The following RMC1 variants were observed in gnomAD, a reference collection of about 807,000 sequenced individuals.
RMC1 encodes regulator of MON1-CCZ1 complex.
Under a neutral mutation model 95.5 loss-of-function variants are expected in RMC1, and 44 were observed. The observed-to-expected ratio is 0.46, with a 90% CI of 0.36 to 0.59. The LOEUF (loss-of-function observed/expected upper bound fraction) is 0.59, where lower values mean the gene tolerates loss of function less well. RMC1 is among the 20% of genes least tolerant of loss of function. The pLI, the probability that RMC1 is intolerant of heterozygous loss-of-function variation, is 0.00. For synonymous variants in RMC1, 320 were observed against 303.6 expected (o/e 1.05, Z -0.56); for missense variants, 705 against 819.6 (o/e 0.86, Z 1.71).
chr18:23,508,188 G>T, intron 4 of RMC1, 147 bp downstream of exon 4: 1 of 660,646 alleles, frequency 1.5e-6, no homozygotes, highest in African/African-American at 1.9e-5. Context: ...AGTCAGGCGG[G>T]GTGTTTGCTT....
intron 7 of RMC1, among the ~76,000 whole-genome samples, chr18:23,518,255 C>T (rs2058059817): frequency 1.3e-5 from 2 of 152,290 alleles, no homozygotes; most frequent in South Asian, 4.1e-4. Context: ...CTGGGGAGGC[C>T]AAGGCAGGGG....
chr18:23,525,662 A>G (rs951344486), intron 12 of RMC1, among the ~76,000 whole-genome samples: 1 of 152,074 alleles, frequency 6.6e-6, no homozygotes, highest in African/African-American at 2.4e-5. Context: ...TGACCTCGTG[A>G]TCTGCCCACC....
chr18:23,526,659 G>T lies in RMC1; in HGVS notation c.1083G>T (p.Val361=), dbSNP rs1244025783. 1 of 1,614,090 alleles carries T rather than the reference G, an allele frequency of 6.2e-7. No individual in the cohort carries two copies. The highest frequency in any genetic ancestry group is 1.7e-5 in the Admixed American group (1 of 59,998). The change falls in exon 13 of 20, where the codon GTG becomes GTT. Residue 361 remains valine, a synonymous_variant. Transcript: ENST00000269221. ...CAGGTTACCTCTGGAACCTCCAAGT[G>T]AAACTTGAGCCCATAGTAAATCTCT... ...ASQGYLWNLQ[V]KLEPIVNLLP... is the part of the protein sequence containing the mutation.
intron 10 of RMC1, 51 bp downstream of exon 10, chr18:23,520,364 G>A (rs767753613): frequency 1.4e-6 from 2 of 1,412,132 alleles, no homozygotes; most frequent in South Asian, 2.4e-5. Context: ...CCATGTGGCT[G>A]TGTTCTCACC....
intron 15 of RMC1, 25 bp from the exon 16 acceptor site, chr18:23,529,610 T>G: frequency 7.5e-6 from 12 of 1,601,716 alleles, no homozygotes; most frequent in Non-Finnish European, 1.0e-5. Context: ...TTGGTATTTG[T>G]AAGACCACAT....
At chr18:23,511,097 T>C (rs887284425) in intron 5 of RMC1, among the ~76,000 whole-genome samples, 1 of 152,164 alleles carries the variant, frequency 6.6e-6, no homozygotes, top group Admixed American at 6.5e-5. Context: ...CAGTGACAGA[T>C]TGGATAAAGA....
At chr18:23,524,075 G>T in intron 10 of RMC1, 55 bp from the exon 11 acceptor site, 1 of 1,563,484 alleles carries the variant, frequency 6.4e-7, no homozygotes. Context: ...ATAAGTACCA[G>T]CATTTGCAGC....
At chr18:23,519,792 G>C (rs1387835565) in intron 9 of RMC1, among the ~76,000 whole-genome samples, 3 of 152,162 alleles carry the variant, frequency 2.0e-5, no homozygotes, top group Non-Finnish European at 4.4e-5. Context: ...GGGGGATAAT[G>C]GTTTTGAGGC....
rs1356024967 is a variant in RMC1, at chr18:23,503,669, C to G, written c.51C>G (p.Phe17Leu). The change falls in exon 1 of 20, where the codon TTC (phenylalanine) becomes TTG (leucine). Residue 17 changes from phenylalanine to leucine, a missense_variant. By Grantham distance (22) the Phe-to-Leu change is conservative. Transcript: ENST00000269221. Reference sequence around the variant, plus strand: ...AGCTGTGCGAGCGGCCGGTGCAGTTCGAGAAGGCGAACCCTGTCAACTGCG... The same window carrying G: ...AGCTGTGCGAGCGGCCGGTGCAGTTGGAGAAGGCGAACCCTGTCAACTGCG... ...YLELCERPVQ[F>L]EKANPVNCVF... is the part of the protein sequence containing the mutation. 3 of 1,592,298 alleles carry G rather than the reference C, an allele frequency of 1.9e-6. No homozygotes were observed. The highest frequency in any genetic ancestry group is 2.6e-6 in the Non-Finnish European group (3 of 1,170,024).
intron 2 of RMC1, 137 bp downstream of exon 2, chr18:23,504,584 G>A (rs571786440): frequency 1.4e-6 from 1 of 702,206 alleles, no homozygotes; most frequent in Admixed American, 2.5e-5. Context: ...TGGAATTCCT[G>A]TCTGTAGGGA....
chr18:23,510,552 C>A (rs2057826036), intron 5 of RMC1, among the ~76,000 whole-genome samples: 1 of 152,012 alleles, frequency 6.6e-6, no homozygotes, highest in Admixed American at 6.6e-5. Context: ...GAGGCTGAGG[C>A]CAGGGAATTG....
At chr18:23,527,664 G>GTATTGTATTTGT in intron 13 of RMC1, 131 bp from the exon 14 acceptor site, 2 of 607,866 alleles carry the variant, frequency 3.3e-6, no homozygotes, top group Non-Finnish European at 6.0e-6. Context: ...GGTCTTTAAA[G>GTATTGTATTTGT]TAGAGTGTCC....
chr18:23,530,024 T>G lies in RMC1; in HGVS notation c.1495-4T>G. 6.2e-7 allele frequency: 1 copy of G among 1,611,878 alleles called. No homozygotes were observed. Among genetic ancestry groups the G allele is most frequent in the Non-Finnish European group, 8.5e-7 (1 of 1,178,056 alleles). On this transcript the variant is annotated splice_polypyrimidine_tract_variant and splice_region_variant and intron_variant, in intron 16 of 19. Coordinates refer to ENST00000269221, the MANE Select transcript of RMC1 (RefSeq NM_013326.5). ...GTTCTTTCACTTTTTACTTTTGTCC[T>G]CAGCATTACCTACATGAACTTGTTA...
chr18:23,520,377 G>A, intron 10 of RMC1, 64 bp downstream of exon 10: 3 of 1,318,626 alleles, frequency 2.3e-6, no homozygotes, highest in South Asian at 1.2e-5. Flanking sequence ...TTCTCACCAT[G>A]ATCTTTGGGA....
intron 5 of RMC1, among the ~76,000 whole-genome samples, chr18:23,512,765 TACA>T (rs1045239990): frequency 3.9e-5 from 6 of 152,108 alleles, no homozygotes; most frequent in East Asian, 1.9e-4. Context: ...TAAAAAAACA[TACA>T]ACATTTATTA....
Position 23,503,864 on chromosome 18 carries a change from C to T in RMC1, c.102+144C>T, listed in dbSNP as rs538301041. Reference sequence around the variant, plus strand: ...GCGCGGGAGGCGGCGCGCGCTCCTTCCTTGTTGGGTGGGCTCAGCCGCGGC... The same window carrying T: ...GCGCGGGAGGCGGCGCGCGCTCCTTTCTTGTTGGGTGGGCTCAGCCGCGGC... On this transcript the variant is annotated intron_variant, in intron 1 of 19. Coordinates refer to ENST00000269221, the MANE Select transcript of RMC1 (RefSeq NM_013326.5). 5.6e-5 allele frequency: 38 copies of T among 676,152 alleles called. No individual in the cohort carries two copies. The East Asian group carries it at 8.0e-4, about 14-fold the overall frequency. 41.9% of individuals were successfully genotyped at this position (676,152 alleles called of 1,614,324 possible).
chr18:23,514,203 T>C (rs1026968138), intron 5 of RMC1, among the ~76,000 whole-genome samples: 3 of 152,240 alleles, frequency 2.0e-5, no homozygotes, highest in Non-Finnish European at 2.9e-5. Context: ...TGCTTTGCTG[T>C]AAGGCCATCA....
At chr18:23,508,917 G>A in intron 4 of RMC1, 1 of 183,174 alleles carries the variant, frequency 5.5e-6, no homozygotes, top group Non-Finnish European at 1.1e-5. Flanking sequence ...GGTAGAAGCT[G>A]CTGTCTGTGA....
At position 23,524,478 on chromosome 18, in the gene RMC1, C is replaced by A; in HGVS notation, c.1056C>A (p.Ser352Arg). ...VFQPDIIISASQGYLWNLQVK... is the reference protein window; with the variant it reads ...VFQPDIIISARQGYLWNLQVK... ...AACCTGACATCATTATCAGCGCAAG[C>A]CAAGGTAGGTCAGCGGGGACAGTTG... The change falls in exon 12 of 20, where the codon AGC (serine) becomes AGA (arginine). Residue 352 changes from serine (S) to arginine (R), a missense_variant. By Grantham distance (110) the Ser-to-Arg change is moderately radical (BLOSUM62 -1). Coordinates refer to ENST00000269221, the MANE Select transcript of RMC1 (RefSeq NM_013326.5). The A allele has an allele frequency of 6.2e-7, 1 of 1,613,970 alleles. No homozygotes were observed. Among genetic ancestry groups the A allele is most frequent in the Non-Finnish European group, 8.5e-7 (1 of 1,179,880 alleles).
Sources: gnomAD v4.1 joint callset for allele counts (sites outside exome capture counted in the v4.1 genomes callset) on GRCh38, gnomAD v4.1.1 for gene constraint, MANE v1.5 for transcripts, NCBI Gene and HGNC (gene_info 2026-07-23, HGNC 2026-07-21) for gene names.